Variants in MACROD2 observed in about 807,000 individuals in gnomAD.
MACROD2 encodes the protein ADP-ribose glycohydrolase MACROD2.
In MACROD2, 36 loss-of-function variants were observed where a neutral mutation model predicts 70.4. That is an observed-to-expected ratio of 0.51 (90% confidence interval 0.39 to 0.68). MACROD2 has a LOEUF of 0.68. Among genes scored for constraint, MACROD2 ranks in the 30% least tolerant of loss-of-function variants. MACROD2 has a pLI of 0.00. For synonymous variants in MACROD2, 172 were observed against 178.8 expected, an observed-to-expected ratio of 0.96 and a Z score of 0.30; for missense variants, 496 against 538.4, an observed-to-expected ratio of 0.92 and a Z score of 0.78.
At chr20:14,021,658 A>G (rs1419113375) in intron 2 of MACROD2, among the ~76,000 whole-genome samples, 2 of 152,180 alleles carry the variant, frequency 1.3e-5, no homozygotes, top group Admixed American at 6.5e-5. Context: ...TTAATAATTT[A>G]TAATGTGAAA....
In MACROD2 at chr20:15,299,904, G is replaced by T. The variant is rs540209847; in HGVS notation, c.540+69843G>T. ...CAAATTAGAATGTGCAAGTGTCAAA[G>T]CCTCATTCTACTGAGAAGAGAGGAA... On this transcript the variant is annotated intron_variant, in intron 6 of 17. Coordinates refer to ENST00000684519, the MANE Select transcript of MACROD2 (RefSeq NM_001351661.2). Among the ~76,000 whole-genome samples the T allele has an allele frequency of 1.4e-4, 22 of 152,290 alleles. 1 individual carries two copies. The highest frequency in any genetic ancestry group is 5.3e-4 in the African/African-American group (22 of 41,562).
chr20:15,444,248 C>G (rs1009664502), intron 7 of MACROD2, among the ~76,000 whole-genome samples: 1 of 152,146 alleles, frequency 6.6e-6, no homozygotes, highest in Non-Finnish European at 1.5e-5. Flanking sequence ...TGTAATTAAT[C>G]TCTTTTTATT....
At chr20:15,887,310 A>C (rs958608644) in intron 10 of MACROD2, among the ~76,000 whole-genome samples, 1 of 152,156 alleles carries the variant, frequency 6.6e-6, no homozygotes, top group African/African-American at 2.4e-5. Flanking sequence ...TCCAGTCCAA[A>C]CATGTCTGAT....
intron 7 of MACROD2, among the ~76,000 whole-genome samples, chr20:15,440,615 CGGCAATGCCAAG>C (rs984442098): frequency 6.6e-6 from 1 of 152,192 alleles, no homozygotes; most frequent in African/African-American, 2.4e-5. Context: ...CATTCTCCAA[CGGCAATGCCAAG>C]GGCATGCCCT....
intron 4 of MACROD2, among the ~76,000 whole-genome samples, chr20:14,680,538 T>C (rs1300384884): frequency 6.6e-6 from 1 of 152,182 alleles, no homozygotes; most frequent in East Asian, 1.9e-4. Flanking sequence ...ACCTGCCTGC[T>C]AGAACAAACT....
intron 8 of MACROD2, among the ~76,000 whole-genome samples, chr20:15,591,294 C>G (rs1481216575): frequency 6.6e-6 from 1 of 152,186 alleles, no homozygotes; most frequent in African/African-American, 2.4e-5. Context: ...GGGCTTCTCC[C>G]TTACCTCAAG....
intron 6 of MACROD2, among the ~76,000 whole-genome samples, chr20:15,338,774 T>TA (rs1472996947): frequency 6.6e-6 from 1 of 151,750 alleles, no homozygotes; most frequent in East Asian, 1.9e-4. Flanking sequence ...TTTCAGTTCT[T>TA]AAGCACTCTG....
At chr20:15,128,609 G>T (rs934725124) in intron 5 of MACROD2, among the ~76,000 whole-genome samples, 1 of 152,012 alleles carries the variant, frequency 6.6e-6, no homozygotes, top group African/African-American at 2.4e-5. Context: ...AGCTGTGAGG[G>T]CCAATGGACT....
chr20:14,127,354 C>G, intron 3 of MACROD2: 1 of 345,694 alleles, frequency 2.9e-6, no homozygotes. Context: ...GGTAGCTGTC[C>G]CTACTTGCTT....
At chr20:15,324,479 T>A (rs1398169365) in intron 6 of MACROD2, among the ~76,000 whole-genome samples, 2 of 152,204 alleles carry the variant, frequency 1.3e-5, no homozygotes, top group African/African-American at 4.8e-5. Context: ...TTGTATGAGC[T>A]TTCTCTATAT....
chr20:14,890,451 G>C (rs2073740414), intron 5 of MACROD2, among the ~76,000 whole-genome samples: 2 of 152,076 alleles, frequency 1.3e-5, no homozygotes, highest in South Asian at 4.1e-4. Flanking sequence ...TTTGATGAGG[G>C]GGAGAGCTTC....
chr20:15,187,487 C>T (rs2076541618), intron 5 of MACROD2, among the ~76,000 whole-genome samples: 1 of 152,150 alleles, frequency 6.6e-6, no homozygotes, highest in Non-Finnish European at 1.5e-5. Flanking sequence ...TTTAAGGTTA[C>T]TGGACAATGA....
chr20:14,625,759 C>G (rs1024367592), intron 4 of MACROD2, among the ~76,000 whole-genome samples: 1 of 152,156 alleles, frequency 6.6e-6, no homozygotes, highest in Non-Finnish European at 1.5e-5. Flanking sequence ...ATGACTTTGC[C>G]TTTCCTAACT....
chr20:16,031,133 A>T (rs193026571), intron 15 of MACROD2, among the ~76,000 whole-genome samples: 2 of 152,130 alleles, frequency 1.3e-5, no homozygotes, highest in Admixed American at 1.3e-4. Context: ...GGAAGGGTTA[A>T]TTTTCTTAGT....
At chr20:15,867,710 C>T (rs2064513609) in intron 9 of MACROD2, among the ~76,000 whole-genome samples, 1 of 151,778 alleles carries the variant, frequency 6.6e-6, no homozygotes, top group South Asian at 2.1e-4. Context: ...TTTTTTTCTA[C>T]TAGAGTCTTA....
At chr20:15,448,037 A>G (rs1025940467) in intron 7 of MACROD2, among the ~76,000 whole-genome samples, 1 of 152,050 alleles carries the variant, frequency 6.6e-6, no homozygotes, top group Non-Finnish European at 1.5e-5. Context: ...TCCTTGGAAT[A>G]CAATGTTACA....
intron 10 of MACROD2, among the ~76,000 whole-genome samples, chr20:15,916,055 G>T (rs1009475189): frequency 1.3e-5 from 2 of 152,158 alleles, no homozygotes; most frequent in Non-Finnish European, 2.9e-5. Flanking sequence ...TTAAAAATTA[G>T]TTCAACTCCT....
chr20:14,059,898 A>G (rs1211771188), intron 2 of MACROD2, among the ~76,000 whole-genome samples: 2 of 152,178 alleles, frequency 1.3e-5, no homozygotes, highest in African/African-American at 4.8e-5. Context: ...AGGAGGTGAC[A>G]TTTGAATTAG....
intron 3 of MACROD2, among the ~76,000 whole-genome samples, chr20:14,426,283 T>G (rs1318456057): frequency 6.6e-6 from 1 of 152,120 alleles, no homozygotes; most frequent in Non-Finnish European, 1.5e-5. Context: ...TTATTTTTTG[T>G]TATATTTTTT....
Sources: allele counts gnomAD v4.1 joint callset (sites outside exome capture counted in the v4.1 genomes callset), GRCh38; gene constraint gnomAD v4.1.1; transcripts MANE v1.5; gene names NCBI Gene and HGNC (gene_info 2026-07-23, HGNC 2026-07-21).